ACSF3: variants seen among roughly 807,000 people sequenced by gnomAD.
ACSF3 encodes the protein malonate--CoA ligase ACSF3, mitochondrial.
A neutral mutation model predicts 53.2 loss-of-function variants in ACSF3; 78 were observed. The observed-to-expected ratio is 1.47, with a 90% confidence interval of 1.22 to 1.77. The LOEUF (loss-of-function observed/expected upper bound fraction) is 1.77. Ranked by LOEUF, ACSF3 falls within the 40% of genes most tolerant of loss-of-function variation. ACSF3 has a pLI of 0.00. For synonymous variants in ACSF3, 414 were observed against 333.1 expected, an observed-to-expected ratio of 1.24 and a Z score of -2.65; for missense variants, 937 against 771.1, an observed-to-expected ratio of 1.22 and a Z score of -2.55.
intron 7 of ACSF3, among the ~76,000 whole-genome samples, chr16:89,132,625 A>G (rs1025272354): frequency 4.6e-5 from 7 of 152,180 alleles, no homozygotes. Context: ...TCCCTCTTGT[A>G]ATTGGTCACT....
chr16:89,154,758 G>A lies in ACSF3; in HGVS notation c.*551G>A. 1 of 454,152 alleles carries A rather than the reference G, an allele frequency of 2.2e-6. No individual in the cohort carries two copies. Among genetic ancestry groups the A allele is most frequent in the South Asian group, 1.6e-5 (1 of 64,478 alleles). The allele number at this position is 454,152 out of a possible 1,614,324, so 28.1% of individuals were successfully genotyped here. On this transcript the variant is annotated 3_prime_UTR_variant, in exon 11 of 11. Transcript: ENST00000614302. ...CCATGGGTTCCGTGCATTTCCTGGT[G>A]CTGCTCTTGGAGGAGAGCAGCTCCC...
chr16:89,139,767 G>C (rs1911384119), intron 8 of ACSF3, among the ~76,000 whole-genome samples: 2 of 151,854 alleles, frequency 1.3e-5, no homozygotes, highest in Admixed American at 6.6e-5. Context: ...GCTGATTTTT[G>C]TATTTTTAGT....
In ACSF3 at chr16:89,104,299, G is replaced by A. The variant is rs560746649; in HGVS notation, c.822+1540G>A. ...TTGGATCGTATCATGATGGTTCTCAGCACAGAGGAGCCCATCTCTGAGGCC... is the reference window on the plus strand; with the variant it reads ...TTGGATCGTATCATGATGGTTCTCAACACAGAGGAGCCCATCTCTGAGGCC... On this transcript the variant is annotated intron_variant, in intron 4 of 10. Transcript: ENST00000614302. Among the ~76,000 whole-genome samples the A allele has an allele frequency of 1.1e-3, 171 of 152,362 alleles. 2 individuals carry two copies. Among genetic ancestry groups the A allele is most frequent in the African/African-American group, 3.7e-3 (154 of 41,582 alleles).
intron 10 of ACSF3, chr16:89,150,968 G>T: frequency 7.8e-7 from 1 of 1,281,414 alleles, no homozygotes. Context: ...CCAACAAGAA[G>T]ATATCCAGGG....
chr16:89,136,975 C>T (rs1161399959), intron 8 of ACSF3: 2 of 1,088,506 alleles, frequency 1.8e-6, no homozygotes, highest in East Asian at 6.0e-5. Flanking sequence ...TCTGCAGATG[C>T]TCTGACTCCA....
chr16:89,118,460 C>T (rs987698474), intron 6 of ACSF3, among the ~76,000 whole-genome samples: 2 of 152,242 alleles, frequency 1.3e-5, no homozygotes. Flanking sequence ...CAGGCTCTAA[C>T]CCCCACCCTG....
chr16:89,130,174 C>G, intron 7 of ACSF3, among the ~76,000 whole-genome samples: 1 of 152,170 alleles, frequency 6.6e-6, no homozygotes, highest in East Asian at 1.9e-4. Context: ...AACAAATTAC[C>G]TTATTTTTCC....
At chr16:89,098,387 C>T (rs1974867203) in intron 1 of ACSF3, among the ~76,000 whole-genome samples, 1 of 152,176 alleles carries the variant, frequency 6.6e-6, no homozygotes, top group Admixed American at 6.5e-5. Flanking sequence ...ACAGAGGGGG[C>T]GTGGTGTGTG....
At chr16:89,137,058 C>T (rs76532675) in intron 8 of ACSF3, among the ~76,000 whole-genome samples, 7,007 of 152,272 alleles carry the variant, frequency 0.046, 595 homozygotes, top group East Asian at 0.37. Context: ...GAGGTGGGCA[C>T]CTCTGCCGGG....
At chr16:89,118,783 G>A (rs1222782729) in intron 6 of ACSF3, among the ~76,000 whole-genome samples, 1 of 152,180 alleles carries the variant, frequency 6.6e-6, no homozygotes, top group Non-Finnish European at 1.5e-5. Flanking sequence ...CCGTTCCCTG[G>A]GTCCCAGTCC....
intron 6 of ACSF3, among the ~76,000 whole-genome samples, chr16:89,120,144 C>T (rs1906273508): frequency 6.6e-6 from 1 of 152,256 alleles, no homozygotes; most frequent in South Asian, 2.1e-4. Context: ...ACACGTCTCG[C>T]CACCTGGGCT....
intron 10 of ACSF3, 138 bp from the exon 11 acceptor site, chr16:89,153,952 T>A: frequency 1.2e-6 from 1 of 839,754 alleles, no homozygotes. Context: ...CCGGTGCACC[T>A]GCCTGGCCTC....
rs1029326674 is a variant in ACSF3, at chr16:89,101,432, C to T, written c.666+85C>T. ...CGGGCCAGAAGCACATCTTTTCATT[C>T]GCTTTTCTGTGGAGTCATTCACAGT... On this transcript the variant is annotated intron_variant, in intron 3 of 10. Transcript: ENST00000614302. 2.1e-5 allele frequency: 33 copies of T among 1,543,800 alleles called. No individual in the cohort carries two copies. The Admixed American group carries it at 3.0e-4, about 14-fold the overall frequency.
chr16:89,094,409 G>A (rs1166053469), intron 1 of ACSF3, among the ~76,000 whole-genome samples: 1 of 152,216 alleles, frequency 6.6e-6, no homozygotes, highest in East Asian at 1.9e-4. Context: ...TGCTGGGCGC[G>A]TGGGGCACAG....
intron 1 of ACSF3, among the ~76,000 whole-genome samples, chr16:89,094,988 T>C (rs543180751): frequency 2.6e-5 from 4 of 152,344 alleles, no homozygotes; most frequent in South Asian, 4.1e-4. Context: ...CGTTTAGAGA[T>C]AGGAACACGA....
intron 7 of ACSF3, among the ~76,000 whole-genome samples, chr16:89,128,662 T>C (rs978859967): frequency 6.6e-6 from 1 of 152,366 alleles, no homozygotes; most frequent in African/African-American, 2.4e-5. Context: ...TAGCACATAT[T>C]TTCCAAATAG....
At chr16:89,114,287 C>G in intron 5 of ACSF3, 52 bp from the exon 6 acceptor site, 2 of 1,610,022 alleles carry the variant, frequency 1.2e-6, no homozygotes, top group Non-Finnish European at 1.7e-6. Context: ...CACCTTTGCA[C>G]GCGAGAGCCA....
At chr16:89,114,703 G>C (rs1904771174) in intron 6 of ACSF3, 1 of 686,092 alleles carries the variant, frequency 1.5e-6, no homozygotes, top group Non-Finnish European at 2.5e-6. Context: ...GGGTGGATGG[G>C]GGAGGTGTCT....
chr16:89,112,321 A>G, intron 5 of ACSF3, 75 bp downstream of exon 5: 1 of 1,571,924 alleles, frequency 6.4e-7, no homozygotes, highest in South Asian at 1.1e-5. Context: ...CTAATAAATC[A>G]CTCCTACTAA....
Sources: gnomAD v4.1 joint callset for allele counts (sites outside exome capture counted in the v4.1 genomes callset) on GRCh38, gnomAD v4.1.1 for gene constraint, MANE v1.5 for transcripts, NCBI Gene and HGNC (gene_info 2026-07-23, HGNC 2026-07-21) for gene names.